DENND4C: variants seen among roughly 807,000 people sequenced by gnomAD.
The protein encoded by DENND4C is DENN domain-containing protein 4C.
Under a neutral mutation model 203.0 loss-of-function variants are expected in DENND4C, and 108 were observed. The observed-to-expected ratio is 0.53, with a 90% CI of 0.46 to 0.62. The LOEUF (loss-of-function observed/expected upper bound fraction) is 0.62. Ranked by LOEUF, DENND4C falls within the 20% of genes least tolerant of loss-of-function variation. The pLI is 0.00. For synonymous variants in DENND4C, 871 were observed against 792.4 expected (o/e 1.10, Z -1.67); for missense variants, 2,481 against 2,301.2 (o/e 1.08, Z -1.60).
intron 1 of DENND4C, among the ~76,000 whole-genome samples, chr9:19,232,487 G>GA (rs908789201): frequency 9.8e-5 from 15 of 152,304 alleles, no homozygotes; most frequent in Admixed American, 2.6e-4. Context: ...TTGGGTAATA[G>GA]AAAAGCTATG....
intron 1 of DENND4C, among the ~76,000 whole-genome samples, chr9:19,240,909 G>A (rs1267478423): frequency 6.6e-6 from 1 of 152,170 alleles, no homozygotes. Context: ...GTTGCAGTGA[G>A]CCGAGATCAC....
Position 19,316,624 on chromosome 9 carries a change from A to G in DENND4C, c.1592A>G (p.His531Arg). The change falls in exon 12 of 33, where the codon CAC becomes CGC. Residue 531 changes from histidine (H) to arginine (R), a missense_variant. Around this residue, in one of 3 missense-constraint regions of DENND4C, gnomAD observed 2,289 missense variants for 2,113.3 expected, o/e 1.08. Coordinates refer to ENST00000434457, the MANE Select transcript of DENND4C (RefSeq NM_001330640.2). ...KKLYPQLSSV[H>R]QKTQEGSAID... is the part of the protein sequence containing the mutation. ...CTGTTTTTATTTCCTTTGTTAGTTCACCAAAAAACTCAAGAAGGCTCAGCG... is the reference window on the plus strand; with the variant it reads ...CTGTTTTTATTTCCTTTGTTAGTTCGCCAAAAAACTCAAGAAGGCTCAGCG... 2 of 1,612,606 alleles carry G rather than the reference A, an allele frequency of 1.2e-6. No homozygotes were observed. The highest frequency in any genetic ancestry group is 1.7e-6 in the Non-Finnish European group (2 of 1,179,648).
chr9:19,350,584 T>A, intron 23 of DENND4C, 118 bp from the exon 24 acceptor site: 2 of 789,718 alleles, frequency 2.5e-6, no homozygotes, highest in Non-Finnish European at 3.8e-6. Context: ...TTGAAAAATG[T>A]GGGGATGATG....
chr9:19,320,180 C>T (rs1374256733), intron 12 of DENND4C, among the ~76,000 whole-genome samples: 2 of 151,554 alleles, frequency 1.3e-5, no homozygotes, highest in Non-Finnish European at 2.9e-5. Context: ...TTGATGAAAT[C>T]TTTTACTTTT....
chr9:19,235,256 C>T (rs1465189433), intron 1 of DENND4C, among the ~76,000 whole-genome samples: 5 of 152,326 alleles, frequency 3.3e-5, no homozygotes, highest in Non-Finnish European at 5.9e-5. Context: ...TGAGCCACCA[C>T]GCCTAGCCGA....
At chr9:19,304,803 C>T (rs1395077374) in intron 9 of DENND4C, among the ~76,000 whole-genome samples, 1 of 151,666 alleles carries the variant, frequency 6.6e-6, no homozygotes, top group East Asian at 1.9e-4. Context: ...CCCGCCTTGG[C>T]CTCCCAAAGT....
chr9:19,247,029 CTT>C (rs911225437), intron 1 of DENND4C, among the ~76,000 whole-genome samples: 1 of 152,164 alleles, frequency 6.6e-6, no homozygotes, highest in African/African-American at 2.4e-5. Context: ...TGAAATCACT[CTT>C]GTCAGTGTTC....
Position 19,328,139 on chromosome 9 carries a change from C to T in DENND4C, c.2230C>T (p.Leu744Phe). The change falls in exon 16 of 33, where the codon CTC (leucine) becomes TTC (phenylalanine). Residue 744 changes from leucine to phenylalanine, a missense_variant. By Grantham distance (22) the Leu-to-Phe change is conservative. Coordinates refer to ENST00000434457, the MANE Select transcript of DENND4C (RefSeq NM_001330640.2). Reference protein sequence around the residue: ...TGNSITKSPPLMAKRTKQEIK... With the variant: ...TGNSITKSPPFMAKRTKQEIK... The stretch of plus-strand genomic sequence containing the variant: ...GAATAGCATTACAAAGAGTCCACCT[C>T]TCATGGCTAAGAGAACTAAACAGGT... 1 of 1,609,788 alleles carries T rather than the reference C, an allele frequency of 6.2e-7. No individual in the cohort carries two copies. Among genetic ancestry groups the T allele is most frequent in the Admixed American group, 1.7e-5 (1 of 58,922 alleles).
chr9:19,346,834 T>C lies in DENND4C; in HGVS notation c.4065T>C (p.Phe1355=), dbSNP rs1032736676. The C allele has an allele frequency of 7.4e-6, 12 of 1,614,214 alleles. No homozygotes were observed. The highest frequency in any genetic ancestry group is 1.0e-5 in the Non-Finnish European group (12 of 1,180,026). ...SSPAVSRSKT[F]TGRFKQQTPS... ...CTGCAGTGTCCAGGTCTAAAACTTT[T>C]ACTGGGCGTTTCAAGCAGCAAACCC... The change falls in exon 23 of 33, where the codon TTT becomes TTC. Residue 1355 remains phenylalanine, a synonymous_variant. Transcript: ENST00000434457.
chr9:19,273,305 G>C (rs1258321609), intron 1 of DENND4C, among the ~76,000 whole-genome samples: 1 of 151,730 alleles, frequency 6.6e-6, no homozygotes, highest in Non-Finnish European at 1.5e-5. Context: ...AGGCTGGTCT[G>C]GAACTCCTGA....
intron 10 of DENND4C, among the ~76,000 whole-genome samples, chr9:19,310,846 C>T (rs77034687): frequency 1.6e-4 from 24 of 151,930 alleles, no homozygotes; most frequent in African/African-American, 5.5e-4. Context: ...TTCTCCTTTA[C>T]TCTGTGTGGT....
At position 19,350,776 on chromosome 9, in the gene DENND4C, C is replaced by T. The variant is rs770091223; in HGVS notation, c.4392C>T (p.Asn1464=). ...TTTTGGGGGAGAATATATCGCCTAA[C>T]ACAAGTATCTCAGGGTTGGTCCCCA... The part of the protein sequence containing the change: ...DHILGENISP[N]TSISGLVPSE... The change falls in exon 24 of 33, where the codon AAC becomes AAT. Residue 1464 remains asparagine, a synonymous_variant. Transcript: ENST00000434457. 5.0e-6 allele frequency: 8 copies of T among 1,613,856 alleles called. No individual in the cohort carries two copies. The East Asian group carries it at 1.8e-4, about 36-fold the overall frequency.
At chr9:19,328,247 C>G in intron 16 of DENND4C, 85 bp downstream of exon 16, 1 of 1,260,332 alleles carries the variant, frequency 7.9e-7, no homozygotes, top group Non-Finnish European at 1.1e-6. Flanking sequence ...AGAATGATCA[C>G]CCACAACAAC....
chr9:19,318,973 A>G (rs902525231), intron 12 of DENND4C, among the ~76,000 whole-genome samples: 14 of 152,108 alleles, frequency 9.2e-5, no homozygotes, highest in African/African-American at 3.4e-4. Flanking sequence ...GTTTGAGACC[A>G]GTCTGGCCAA....
At chr9:19,371,139 A>G (rs1029634144) in intron 31 of DENND4C, among the ~76,000 whole-genome samples, 8 of 152,296 alleles carry the variant, frequency 5.3e-5, no homozygotes, top group East Asian at 1.9e-4. Flanking sequence ...TTCTCTGTAC[A>G]TCAGTGCATT....
chr9:19,290,784 A>G lies in DENND4C; in HGVS notation c.709A>G (p.Met237Val), dbSNP rs1420468669. 19 of 1,608,772 alleles carry G rather than the reference A, an allele frequency of 1.2e-5. No individual in the cohort carries two copies. In the South Asian group the frequency reaches 1.2e-4, roughly 10 times the overall value. Residue 237 changes from methionine (M) to valine (V), a missense_variant, in exon 5 of 33, where the codon ATG becomes GTG. Met to Val is a conservative substitution (Grantham distance 21, BLOSUM62 1). This residue lies in a region of DENND4C where 2,289 missense variants were observed against 2,113.3 expected (regional missense o/e 1.08). Transcript: ENST00000434457. Reference protein sequence around the residue: ...ESDVPLFCLPMGATIECWDPE... With the variant: ...ESDVPLFCLPVGATIECWDPE... ...AGATGTACCTCTTTTCTGCCTTCCTATGGGAGCTACTATTGAGTGCTGGGA... is the reference window on the plus strand; with the variant it reads ...AGATGTACCTCTTTTCTGCCTTCCTGTGGGAGCTACTATTGAGTGCTGGGA...
chr9:19,298,917 A>G (rs998193975), intron 7 of DENND4C, among the ~76,000 whole-genome samples: 3 of 152,152 alleles, frequency 2.0e-5, no homozygotes, highest in Non-Finnish European at 4.4e-5. Context: ...CTGTTGAGTA[A>G]ATGAATTTGA....
intron 10 of DENND4C, among the ~76,000 whole-genome samples, chr9:19,313,389 G>A (rs895307618): frequency 2.6e-5 from 4 of 152,094 alleles, no homozygotes; most frequent in African/African-American, 9.7e-5. Flanking sequence ...TCCTCATTTT[G>A]CAGATCAGAA....
chr9:19,370,274 C>T (rs1828554959), intron 31 of DENND4C, among the ~76,000 whole-genome samples: 1 of 151,918 alleles, frequency 6.6e-6, no homozygotes, highest in Non-Finnish European at 1.5e-5. Context: ...CTGGACTGAG[C>T]AACATAGCAA....
Sources: allele counts gnomAD v4.1 joint callset (sites outside exome capture counted in the v4.1 genomes callset), GRCh38; gene constraint gnomAD v4.1.1; regional missense constraint gnomAD v4.1.1; transcripts MANE v1.5; gene names NCBI Gene and HGNC (gene_info 2026-07-23, HGNC 2026-07-21).